MACO1: variants seen among roughly 807,000 people sequenced by gnomAD.
MACO1 encodes the protein macoilin 1.
MACO1 carries 14 observed loss-of-function variants against 78.7 expected under a neutral mutation model. The ratio of observed to expected loss-of-function variants is 0.18; its 90% CI spans 0.12 to 0.28. MACO1 has a LOEUF of 0.28. Ranked by LOEUF, MACO1 falls within the 10% of genes least tolerant of loss-of-function variation. The pLI is 1.00. For synonymous variants in MACO1, 288 were observed against 291.6 expected, an observed-to-expected ratio of 0.99 and a Z score of 0.12; for missense variants, 501 against 799.0, an observed-to-expected ratio of 0.63 and a Z score of 4.50.
At chr1:25,477,528 C>G (rs779324630) in intron 6 of MACO1, among the ~76,000 whole-genome samples, 7 of 152,200 alleles carry the variant, frequency 4.6e-5, no homozygotes, top group Non-Finnish European at 8.8e-5. Flanking sequence ...AAAGCTGAGG[C>G]TCCTTATCAT....
chr1:25,498,415 C>T lies in MACO1; in HGVS notation c.1944C>T (p.Ser648=). The change falls in exon 11 of 11, where the codon AGC becomes AGT. Residue 648 remains serine, a synonymous_variant. Coordinates refer to ENST00000374343, the MANE Select transcript of MACO1 (RefSeq NM_018202.6). ...ACTCTTCCAAATTTGTGGAGACCAG[C>T]CCCTCTGGACTTGACCCCAATGCCT... ...PHYSSKFVET[S]PSGLDPNASV... The T allele has an allele frequency of 6.2e-7, 1 of 1,614,070 alleles. No homozygotes were observed. Among genetic ancestry groups the T allele is most frequent in the Non-Finnish European group, 8.5e-7 (1 of 1,179,996 alleles).
At chr1:25,474,867 A>G (rs1462317304) in intron 6 of MACO1, among the ~76,000 whole-genome samples, 1 of 152,242 alleles carries the variant, frequency 6.6e-6, no homozygotes. Context: ...CGTGTGGTAC[A>G]GTGAAGTCTC....
chr1:25,448,099 C>G (rs1557660600), intron 2 of MACO1, among the ~76,000 whole-genome samples: 1 of 152,080 alleles, frequency 6.6e-6, no homozygotes. Context: ...CTCCAGACAG[C>G]CTGTCTTTTA....
intron 1 of MACO1, among the ~76,000 whole-genome samples, chr1:25,437,316 TTTTTTGCG>T (rs1168928799): frequency 6.7e-6 from 1 of 148,644 alleles, no homozygotes; most frequent in Non-Finnish European, 1.5e-5. Flanking sequence ...TTTTTTTTTT[TTTTTTGCG>T]TTTTTGCGTT....
intron 1 of MACO1, 42 bp downstream of exon 1, chr1:25,431,220 G>C (rs1437611866): frequency 2.6e-6 from 4 of 1,513,762 alleles, no homozygotes; most frequent in Non-Finnish European, 3.6e-6. Flanking sequence ...GGGCCCTGCG[G>C]TCCCCCTCCA....
chr1:25,450,241 A>G (rs2043053500), intron 3 of MACO1, among the ~76,000 whole-genome samples: 1 of 152,176 alleles, frequency 6.6e-6, no homozygotes, highest in African/African-American at 2.4e-5. Flanking sequence ...TTTTCCTTAT[A>G]TATTTTAAGC....
At chr1:25,482,615 G>A (rs943533278) in intron 6 of MACO1, among the ~76,000 whole-genome samples, 142 of 152,224 alleles carry the variant, frequency 9.3e-4, no homozygotes, top group African/African-American at 3.3e-3. Context: ...ATCTCTACCT[G>A]CTCTGCAAAG....
At chr1:25,460,406 GT>G (rs1175896905) in intron 6 of MACO1, among the ~76,000 whole-genome samples, 307 of 139,972 alleles carry the variant, frequency 2.2e-3, no homozygotes, top group Middle Eastern at 0.011. Flanking sequence ...TCCTACACAT[GT>G]TTTTTTTTTT....
chr1:25,456,867 C>A (rs200365806), intron 5 of MACO1, 36 bp downstream of exon 5: 4 of 1,542,610 alleles, frequency 2.6e-6, no homozygotes, highest in Admixed American at 2.3e-5. Context: ...GCTCAATAGG[C>A]TAGTCATTAT....
At position 25,485,672 on chromosome 1, in the gene MACO1, A is replaced by G; in HGVS notation, c.1373A>G (p.Lys458Arg). Reference sequence around the variant, plus strand: ...AAGCAGAATATCAGCCAGTTGGAGAAAAAGCTAAAAGCTGAGCAGGAAGCC... The same window carrying G: ...AAGCAGAATATCAGCCAGTTGGAGAGAAAGCTAAAAGCTGAGCAGGAAGCC... The part of the protein sequence containing the change: ...KDKQNISQLE[K>R]KLKAEQEARS... Residue 458 changes from lysine to arginine, a missense_variant, in exon 8 of 11, where the codon AAA becomes AGA. This residue lies in a region of MACO1 where 163 missense variants were observed against 271.9 expected (regional missense o/e 0.60). Transcript: ENST00000374343. This position sits in a 1 kb window ranked among gnomAD's most constrained non-coding sequence, Gnocchi z 4.3. The G allele has an allele frequency of 6.2e-7, 1 of 1,614,236 alleles. No homozygotes were observed. The highest frequency in any genetic ancestry group is 8.5e-7 in the Non-Finnish European group (1 of 1,180,034).
intron 1 of MACO1, among the ~76,000 whole-genome samples, chr1:25,440,408 A>G (rs1210140443): frequency 1.0e-4 from 15 of 150,440 alleles, no homozygotes; most frequent in South Asian, 2.1e-4. Context: ...GTTCTGGGAA[A>G]AAAAAAAAAA....
chr1:25,472,400 T>C lies in MACO1; in HGVS notation c.1155-11716T>C, dbSNP rs570398878. Among the ~76,000 whole-genome samples the C allele has an allele frequency of 2.6e-3, 393 of 150,920 alleles. 1 individual carries two copies. Among genetic ancestry groups the C allele is most frequent in the Non-Finnish European group, 4.6e-3 (313 of 67,766 alleles). On this transcript the variant is annotated intron_variant, in intron 6 of 10. Coordinates refer to ENST00000374343, the MANE Select transcript of MACO1 (RefSeq NM_018202.6). ...CCTCAACAGGCCCCGGTGTGTGATGTTCCCCTCCCTGTGTTCATGCGTTCT... is the reference window on the plus strand; with the variant it reads ...CCTCAACAGGCCCCGGTGTGTGATGCTCCCCTCCCTGTGTTCATGCGTTCT...
At chr1:25,437,458 A>G (rs1038764711) in intron 1 of MACO1, among the ~76,000 whole-genome samples, 1 of 152,160 alleles carries the variant, frequency 6.6e-6, no homozygotes, top group East Asian at 1.9e-4. Context: ...CACCCACCCA[A>G]CACTTTTAAA....
At chr1:25,489,049 G>C (rs769022301) in intron 8 of MACO1, 124 bp from the exon 9 acceptor site, 2 of 1,238,568 alleles carry the variant, frequency 1.6e-6, no homozygotes, top group Non-Finnish European at 2.2e-6. Flanking sequence ...TCGAACCCCT[G>C]ACCTCAAATA....
At chr1:25,490,814 T>C (rs758389927) in intron 9 of MACO1, among the ~76,000 whole-genome samples, 15 of 152,212 alleles carry the variant, frequency 9.9e-5, no homozygotes, top group Non-Finnish European at 5.9e-5. Flanking sequence ...TGCTAAAAGA[T>C]ACACATATGC....
At chr1:25,478,448 C>T (rs1157782564) in intron 6 of MACO1, among the ~76,000 whole-genome samples, 1 of 152,114 alleles carries the variant, frequency 6.6e-6, no homozygotes. Context: ...TAATCATTTA[C>T]ATTACAGTTT....
chr1:25,463,138 C>G (rs2043186342), intron 6 of MACO1, among the ~76,000 whole-genome samples: 1 of 152,122 alleles, frequency 6.6e-6, no homozygotes, highest in Non-Finnish European at 1.5e-5. Flanking sequence ...TTGTGAGTTC[C>G]AGGGGGCAGA....
chr1:25,477,860 A>C (rs991943638), intron 6 of MACO1, among the ~76,000 whole-genome samples: 2 of 152,226 alleles, frequency 1.3e-5, no homozygotes, highest in Admixed American at 1.3e-4. Context: ...AATTCACAAG[A>C]GATAAGAATT....
chr1:25,461,707 T>C (rs34933589), intron 6 of MACO1, among the ~76,000 whole-genome samples: 65,479 of 151,910 alleles, frequency 0.43, 15,050 homozygotes, highest in East Asian at 0.73. Context: ...TATTAAAGAA[T>C]ATGGGGAAGT....
Sources: gnomAD v4.1 joint callset for allele counts (sites outside exome capture counted in the v4.1 genomes callset) on GRCh38, gnomAD v4.1.1 for gene constraint, gnomAD v4.1.1 regional missense constraint, Gnocchi (gnomAD v3.1) non-coding constraint, MANE v1.5 for transcripts, NCBI Gene and HGNC (gene_info 2026-07-23, HGNC 2026-07-21) for gene names.